The following SCFD1 variants were observed in gnomAD, a reference collection of about 807,000 sequenced individuals.
The protein encoded by SCFD1 is sec1 family domain containing 1.
A neutral mutation model predicts 103.2 loss-of-function variants in SCFD1; 37 were observed. The observed-to-expected ratio is 0.36, with a 90% CI of 0.28 to 0.47. The LOEUF is 0.47. SCFD1 is among the 20% of genes least tolerant of loss of function. The pLI is 1.00. For missense variants in SCFD1, 639 were observed against 761.2 expected (o/e 0.84, Z 1.89); for synonymous variants, 264 against 245.0 (o/e 1.08, Z -0.73).
chr14:30,709,289 G>A (rs1225111963), intron 19 of SCFD1, among the ~76,000 whole-genome samples: 1 of 152,038 alleles, frequency 6.6e-6, no homozygotes, highest in Admixed American at 6.6e-5. Context: ...GGTTTAATAA[G>A]TTATTTTTTT....
chr14:30,641,293 G>A (rs1885249269), intron 6 of SCFD1, among the ~76,000 whole-genome samples: 1 of 152,166 alleles, frequency 6.6e-6, no homozygotes, highest in Admixed American at 6.6e-5. Flanking sequence ...TGGATTGGGA[G>A]CAAGGAGATT....
chr14:30,697,983 G>A (rs1890810438), intron 15 of SCFD1, among the ~76,000 whole-genome samples: 1 of 152,170 alleles, frequency 6.6e-6, no homozygotes, highest in Admixed American at 6.5e-5. Flanking sequence ...GTGTCATGTA[G>A]TATATCACAT....
chr14:30,639,755 A>T (rs1046111020), intron 5 of SCFD1, 22 bp from the exon 6 acceptor site: 3 of 1,551,632 alleles, frequency 1.9e-6, no homozygotes, highest in African/African-American at 2.8e-5. Context: ...ATTGATTTGT[A>T]AACCTTTTCT....
At chr14:30,711,843 C>CT (rs781570916) in intron 19 of SCFD1, among the ~76,000 whole-genome samples, 4 of 151,850 alleles carry the variant, frequency 2.6e-5, no homozygotes, top group Non-Finnish European at 4.4e-5. Flanking sequence ...ATATTGGAGA[C>CT]TTTCTTTAAA....
intron 10 of SCFD1, among the ~76,000 whole-genome samples, chr14:30,667,762 A>G (rs1356313996): frequency 2.0e-5 from 3 of 152,208 alleles, no homozygotes; most frequent in Non-Finnish European, 4.4e-5. Context: ...TACGCAAATA[A>G]CAGACAAAGA....
intron 20 of SCFD1, 37 bp downstream of exon 20, chr14:30,716,014 A>T (rs1173526852): frequency 8.3e-7 from 1 of 1,204,050 alleles, no homozygotes; most frequent in Non-Finnish European, 1.2e-6. Context: ...TAAATTCCCG[A>T]ATGTGTCAAA....
intron 4 of SCFD1, chr14:30,634,686 C>A: frequency 2.5e-6 from 1 of 393,420 alleles, no homozygotes; most frequent in Non-Finnish European, 4.9e-6. Flanking sequence ...GAAGTCCACA[C>A]TGGTGCAGAA....
chr14:30,658,259 T>A, intron 10 of SCFD1: 1 of 279,738 alleles, frequency 3.6e-6, no homozygotes, highest in Non-Finnish European at 7.2e-6. Context: ...TCGGAAGTTA[T>A]ACTAATAGAC....
intron 18 of SCFD1, 85 bp from the exon 19 acceptor site, chr14:30,707,904 TG>T: frequency 1.1e-6 from 1 of 894,890 alleles, no homozygotes; most frequent in Non-Finnish European, 1.9e-6. Context: ...CAGCATGTGG[TG>T]TGTAATCAGG....
intron 14 of SCFD1, chr14:30,683,251 A>G: frequency 9.3e-7 from 1 of 1,074,788 alleles, no homozygotes; most frequent in African/African-American, 1.6e-5. Context: ...GTCCTTCAGG[A>G]TGTCCAGGCA....
At chr14:30,623,637 A>G (rs945869837) in intron 1 of SCFD1, among the ~76,000 whole-genome samples, 3 of 152,234 alleles carry the variant, frequency 2.0e-5, no homozygotes, top group Admixed American at 6.5e-5. Flanking sequence ...AACTGTACCA[A>G]TACAAGAGAG....
chr14:30,660,748 C>G (rs1299625745), intron 10 of SCFD1, among the ~76,000 whole-genome samples: 1 of 152,004 alleles, frequency 6.6e-6, no homozygotes, highest in Non-Finnish European at 1.5e-5. Flanking sequence ...ATTTTATGAA[C>G]TAACAGATTT....
At chr14:30,722,631 G>A in intron 23 of SCFD1, 72 bp downstream of exon 23, 1 of 849,038 alleles carries the variant, frequency 1.2e-6, no homozygotes, top group South Asian at 2.0e-5. Context: ...TACTCTGATG[G>A]CTATCCTGAT....
At position 30,735,658 on chromosome 14, in the gene SCFD1, A is replaced by G; in HGVS notation, c.*49A>G. The G allele has an allele frequency of 7.2e-7, 1 of 1,386,200 alleles. No homozygotes were observed. The highest frequency in any genetic ancestry group is 1.3e-5 in the South Asian group (1 of 78,730). The allele number at this position is 1,386,200 out of a possible 1,614,324, so 85.9% of individuals were successfully genotyped here. On this transcript the variant is annotated 3_prime_UTR_variant, in exon 25 of 25. Transcript: ENST00000458591. ...ATCTACTTGGAATGTGGATAAATGT[A>G]AAAAGAAGAAAAGTTAGAAGAGCAA...
intron 4 of SCFD1, among the ~76,000 whole-genome samples, chr14:30,634,330 T>G (rs998765092): frequency 6.6e-6 from 1 of 152,226 alleles, no homozygotes; most frequent in African/African-American, 2.4e-5. Flanking sequence ...CACATTCATA[T>G]AACTTTCATT....
chr14:30,664,334 CAGA>C (rs1300137923), intron 10 of SCFD1, among the ~76,000 whole-genome samples: 3 of 152,006 alleles, frequency 2.0e-5, no homozygotes, highest in Admixed American at 2.0e-4. Context: ...AACTAACAAG[CAGA>C]AAGGAATAGC....
At chr14:30,735,134 T>A (rs1453661745) in intron 24 of SCFD1, 1 of 361,702 alleles carries the variant, frequency 2.8e-6, no homozygotes, top group African/African-American at 2.1e-5. Flanking sequence ...GAACTGTCAG[T>A]AGTGTGTCAC....
intron 2 of SCFD1, among the ~76,000 whole-genome samples, chr14:30,629,803 CTT>C (rs1043699501): frequency 3.3e-5 from 5 of 152,084 alleles, no homozygotes; most frequent in African/African-American, 1.2e-4. Flanking sequence ...GTCTCTATCT[CTT>C]GACCTAGTGA....
At chr14:30,720,243 G>A (rs1045733238) in intron 21 of SCFD1, among the ~76,000 whole-genome samples, 1 of 152,126 alleles carries the variant, frequency 6.6e-6, no homozygotes, top group Non-Finnish European at 1.5e-5. Flanking sequence ...GCTGCTGTTG[G>A]CAAGAGAGAA....
Sources: allele counts gnomAD v4.1 joint callset (sites outside exome capture counted in the v4.1 genomes callset), GRCh38; gene constraint gnomAD v4.1.1; transcripts MANE v1.5; gene names NCBI Gene and HGNC (gene_info 2026-07-23, HGNC 2026-07-21).